Variants in PTPRM observed in about 807,000 individuals in gnomAD.
PTPRM encodes protein tyrosine phosphatase receptor type M.
A neutral mutation model predicts 186.7 loss-of-function variants in PTPRM; 47 were observed. That is an observed-to-expected ratio of 0.25 (90% CI 0.20 to 0.32). PTPRM has a LOEUF of 0.32. Ranked by LOEUF, PTPRM falls within the 10% of genes least tolerant of loss-of-function variation. PTPRM has a pLI of 1.00. For missense variants in PTPRM, 1,494 were observed against 1,865.0 expected, an observed-to-expected ratio of 0.80 and a Z score of 3.66; for synonymous variants, 668 against 674.9, an observed-to-expected ratio of 0.99 and a Z score of 0.16.
At chr18:7,707,553 T>C (rs1463911605) in intron 1 of PTPRM, among the ~76,000 whole-genome samples, 1 of 152,054 alleles carries the variant, frequency 6.6e-6, no homozygotes, top group African/African-American at 2.4e-5. Context: ...GTGGGGGGAT[T>C]GCTTGAGCCC....
At chr18:8,103,130 T>C (rs1046222282) in intron 11 of PTPRM, among the ~76,000 whole-genome samples, 1 of 152,228 alleles carries the variant, frequency 6.6e-6, no homozygotes, top group African/African-American at 2.4e-5. Flanking sequence ...GTTCCATTTG[T>C]AGAGCACAGG....
intron 2 of PTPRM, among the ~76,000 whole-genome samples, chr18:7,816,001 G>A (rs1255795948): frequency 4.6e-5 from 7 of 152,168 alleles, no homozygotes; most frequent in Admixed American, 1.3e-4. Flanking sequence ...GGTGTGATAA[G>A]ACATCAGTAA....
intron 2 of PTPRM, among the ~76,000 whole-genome samples, chr18:7,869,563 C>T (rs2047883871): frequency 6.6e-6 from 1 of 152,138 alleles, no homozygotes; most frequent in South Asian, 2.1e-4. Context: ...GAGCTGGGTA[C>T]CTCAGTTGGA....
rs901509500 is a variant in PTPRM, at chr18:8,166,581, A to G, written c.2300+22802A>G. 3.0e-4 allele frequency among the ~76,000 whole-genome samples: 45 copies of G among 152,334 alleles called. 1 individual carries two copies. The highest frequency in any genetic ancestry group is 2.1e-4 in the Non-Finnish European group (14 of 68,028). ...CACATCCATGAACAAATGTCTTGCC[A>G]CTTGTATTATTTATTACTTATTTGG... is the stretch of plus-strand genomic sequence containing the variant. On this transcript the variant is annotated intron_variant, in intron 14 of 32. Coordinates refer to ENST00000580170, the MANE Select transcript of PTPRM (RefSeq NM_001105244.2).
chr18:8,006,029 A>T (rs1161332611), intron 7 of PTPRM, among the ~76,000 whole-genome samples: 1 of 152,134 alleles, frequency 6.6e-6, no homozygotes, highest in Admixed American at 6.5e-5. Flanking sequence ...AGGTGAAAGG[A>T]TTCATGGGTT....
intron 1 of PTPRM, among the ~76,000 whole-genome samples, chr18:7,628,512 A>G (rs576484858): frequency 5.8e-4 from 89 of 152,362 alleles, no homozygotes; most frequent in African/African-American, 1.9e-3. Context: ...AAAGAATTAG[A>G]TATTTAAAAG....
intron 7 of PTPRM, among the ~76,000 whole-genome samples, chr18:8,008,700 A>G (rs2084337793): frequency 1.3e-5 from 2 of 152,130 alleles, no homozygotes; most frequent in African/African-American, 4.8e-5. Context: ...GGCTTGCTTA[A>G]AGAAAAGTGT....
intron 1 of PTPRM, among the ~76,000 whole-genome samples, chr18:7,770,977 A>G (rs1433258197): frequency 6.6e-6 from 1 of 152,170 alleles, no homozygotes; most frequent in Admixed American, 6.5e-5. Context: ...TCCCGAAAGA[A>G]CCATATCATA....
chr18:7,722,106 C>T (rs768339725), intron 1 of PTPRM, among the ~76,000 whole-genome samples: 38 of 152,180 alleles, frequency 2.5e-4, no homozygotes, highest in Non-Finnish European at 1.9e-4. Flanking sequence ...CAGTATCATA[C>T]ATAAAACAAG....
Position 8,076,343 on chromosome 18 carries a change from G to T in PTPRM, c.1442-112G>T, listed in dbSNP as rs1301718601. Reference sequence around the variant, plus strand: ...ATTTTTAAAGAAAAATTGAGTATATGTGTGGACTATTAAAATCTTTTCTCT... The same window carrying T: ...ATTTTTAAAGAAAAATTGAGTATATTTGTGGACTATTAAAATCTTTTCTCT... On this transcript the variant is annotated intron_variant, in intron 8 of 32. Coordinates refer to ENST00000580170, the MANE Select transcript of PTPRM (RefSeq NM_001105244.2). 4 of 668,434 alleles carry T rather than the reference G, an allele frequency of 6.0e-6. No individual in the cohort carries two copies. In the East Asian group the frequency reaches 8.5e-5, roughly 14 times the overall value. 41.4% of individuals were successfully genotyped at this position (668,434 alleles called of 1,614,324 possible).
At chr18:8,020,900 C>A (rs73385623) in intron 7 of PTPRM, among the ~76,000 whole-genome samples, 4,228 of 152,224 alleles carry the variant, frequency 0.028, 118 homozygotes, top group African/African-American at 0.071. Context: ...GTGTGGGACT[C>A]GGATTTGTAA....
chr18:7,629,651 A>T (rs933754747), intron 1 of PTPRM, among the ~76,000 whole-genome samples: 1 of 152,202 alleles, frequency 6.6e-6, no homozygotes, highest in African/African-American at 2.4e-5. Context: ...GTAGACATAT[A>T]GGTGTGAGCC....
chr18:7,875,946 G>A (rs1475555217), intron 2 of PTPRM, among the ~76,000 whole-genome samples: 1 of 152,128 alleles, frequency 6.6e-6, no homozygotes, highest in Non-Finnish European at 1.5e-5. Context: ...ACTACAAACT[G>A]TATAGCATGT....
intron 7 of PTPRM, among the ~76,000 whole-genome samples, chr18:7,999,990 GAAAACAAAAAGA>G (rs2083771504): frequency 6.6e-6 from 1 of 152,106 alleles, no homozygotes; most frequent in African/African-American, 2.4e-5. Flanking sequence ...TGAAGGCCAG[GAAAACAAAAAGA>G]AAAACAAAAA....
At chr18:7,876,017 A>G (rs1343242121) in intron 2 of PTPRM, among the ~76,000 whole-genome samples, 1 of 152,156 alleles carries the variant, frequency 6.6e-6, no homozygotes, top group East Asian at 1.9e-4. Flanking sequence ...GTGTCTAAAC[A>G]TGGCAAAGGT....
intron 22 of PTPRM, among the ~76,000 whole-genome samples, chr18:8,334,352 C>T (rs2095427367): frequency 6.6e-6 from 1 of 152,190 alleles, no homozygotes; most frequent in Non-Finnish European, 1.5e-5. Context: ...TCCACCAATC[C>T]CCTGGTTCCT....
chr18:8,339,825 T>C (rs1460714896), intron 22 of PTPRM, among the ~76,000 whole-genome samples: 1 of 152,128 alleles, frequency 6.6e-6, no homozygotes, highest in Non-Finnish European at 1.5e-5. Context: ...TCCCCTGGCC[T>C]GGAGGGTATG....
chr18:7,997,751 A>C (rs1444074916), intron 7 of PTPRM, among the ~76,000 whole-genome samples: 1 of 152,212 alleles, frequency 6.6e-6, no homozygotes, highest in Non-Finnish European at 1.5e-5. Context: ...GCAGACATTC[A>C]AATGGCCTGC....
intron 7 of PTPRM, among the ~76,000 whole-genome samples, chr18:7,969,256 C>A (rs1300668458): frequency 3.7e-5 from 5 of 135,728 alleles, no homozygotes; most frequent in Non-Finnish European, 7.8e-5. Context: ...TCTTTGAAAC[C>A]AACGAGAACA....
Sources: allele counts gnomAD v4.1 joint callset (sites outside exome capture counted in the v4.1 genomes callset), GRCh38; gene constraint gnomAD v4.1.1; transcripts MANE v1.5; gene names NCBI Gene and HGNC (gene_info 2026-07-23, HGNC 2026-07-21).